Variants in SLC35F2 observed in about 807,000 individuals in gnomAD.
SLC35F2 encodes the protein queuine/queuosine transporter SLC35F2.
SLC35F2 carries 25 observed loss-of-function variants against 38.1 expected under a neutral mutation model. The observed-to-expected ratio is 0.66, with a 90% CI of 0.48 to 0.92. The LOEUF is 0.92. SLC35F2 is among the 40% of genes least tolerant of loss of function. The probability of loss-of-function intolerance (pLI) is 0.00; values close to 1 mark genes in which losing one functional copy is unlikely to be tolerated. For missense variants in SLC35F2, 409 were observed against 452.9 expected (o/e 0.90, Z 0.88); for synonymous variants, 173 against 181.7 (o/e 0.95, Z 0.38).
At chr11:107,843,868 AATATATATATATATATATATATAT>A (rs1178673709) in intron 1 of SLC35F2, among the ~76,000 whole-genome samples, 23 of 46,864 alleles carry the variant, frequency 4.9e-4, no homozygotes, top group African/African-American at 1.7e-3. Context: ...AAAAAAAAAA[AATATATATATATATATATATATAT>A]ATATATATAT....
chr11:107,811,010 T>C (rs976053739), intron 3 of SLC35F2: 5 of 985,060 alleles, frequency 5.1e-6, no homozygotes, highest in Non-Finnish European at 4.8e-6. Context: ...AAACCTGGCA[T>C]TTGAGTCTAT....
chr11:107,794,141 C>T (rs546855015), intron 7 of SLC35F2, among the ~76,000 whole-genome samples: 6 of 147,036 alleles, frequency 4.1e-5, no homozygotes, highest in South Asian at 2.1e-4. Flanking sequence ...AGTGCAATGG[C>T]GCAATCTTGG....
At chr11:107,852,992 A>G (rs1860212986) in intron 1 of SLC35F2, among the ~76,000 whole-genome samples, 1 of 152,156 alleles carries the variant, frequency 6.6e-6, no homozygotes, top group Non-Finnish European at 1.5e-5. Flanking sequence ...ACTGCACTCC[A>G]GCCTAGGGCT....
chr11:107,831,726 CTTTCT>C (rs1447963700), intron 1 of SLC35F2, among the ~76,000 whole-genome samples: 5 of 152,188 alleles, frequency 3.3e-5, no homozygotes, highest in African/African-American at 7.2e-5. Context: ...AAACTACCAC[CTTTCT>C]TTTCAAGTGT....
chr11:107,813,906 C>A (rs976502592), intron 2 of SLC35F2, among the ~76,000 whole-genome samples: 1 of 152,114 alleles, frequency 6.6e-6, no homozygotes, highest in African/African-American at 2.4e-5. Context: ...CTCAGGTGAT[C>A]CTCCCACCTT....
intron 4 of SLC35F2, chr11:107,806,452 CTTAA>C (rs1288961539): frequency 7.4e-6 from 3 of 408,156 alleles, no homozygotes; most frequent in Non-Finnish European, 9.3e-6. Flanking sequence ...ATTCATGGAC[CTTAA>C]TTAGATTTTA....
intron 1 of SLC35F2, among the ~76,000 whole-genome samples, chr11:107,843,393 C>T (rs1860041846): frequency 6.6e-6 from 1 of 151,542 alleles, no homozygotes; most frequent in Non-Finnish European, 1.5e-5. Flanking sequence ...CATGGAGAAA[C>T]CCCATCTCTA....
chr11:107,803,340 G>A, intron 6 of SLC35F2, 185 bp from the exon 7 acceptor site: 2 of 985,002 alleles, frequency 2.0e-6, no homozygotes, highest in Non-Finnish European at 2.4e-6. Flanking sequence ...TAAATAGCAA[G>A]TTGTGATGTA....
At chr11:107,814,778 C>T (rs1054957461) in intron 2 of SLC35F2, among the ~76,000 whole-genome samples, 7 of 152,110 alleles carry the variant, frequency 4.6e-5, no homozygotes, top group South Asian at 2.1e-4. Context: ...GCCTGGGCAA[C>T]GTGGTGAAAC....
intron 1 of SLC35F2, among the ~76,000 whole-genome samples, chr11:107,833,156 A>G (rs548761157): frequency 6.6e-6 from 1 of 152,288 alleles, no homozygotes; most frequent in Non-Finnish European, 1.5e-5. Context: ...AAACTCTTCT[A>G]TACCCTATCT....
At chr11:107,812,198 G>A (rs779790162) in intron 2 of SLC35F2, among the ~76,000 whole-genome samples, 6 of 152,180 alleles carry the variant, frequency 3.9e-5, no homozygotes, top group South Asian at 4.1e-4. Context: ...GAGCTACCAC[G>A]CCTGGCTATT....
chr11:107,833,518 C>CAAAAA (rs34376803), intron 1 of SLC35F2, among the ~76,000 whole-genome samples: 4 of 89,530 alleles, frequency 4.5e-5, no homozygotes, highest in African/African-American at 1.5e-4. Flanking sequence ...GACTCTGTCT[C>CAAAAA]AAAAAAAAAA....
intron 1 of SLC35F2, among the ~76,000 whole-genome samples, chr11:107,843,846 T>A (rs1305989810): frequency 8.8e-5 from 4 of 45,200 alleles, no homozygotes; most frequent in African/African-American, 4.6e-4. Flanking sequence ...CTCTGTATCT[T>A]AAAAAAAAAA....
At chr11:107,834,705 G>T (rs370023129) in intron 1 of SLC35F2, among the ~76,000 whole-genome samples, 1 of 152,054 alleles carries the variant, frequency 6.6e-6, no homozygotes, top group African/African-American at 2.4e-5. Flanking sequence ...TTCCACAGCC[G>T]TAAAAATACA....
intron 4 of SLC35F2, 68 bp downstream of exon 4, chr11:107,806,649 T>C: frequency 7.0e-7 from 1 of 1,435,636 alleles, no homozygotes; most frequent in Non-Finnish European, 9.7e-7. Context: ...AGTTTCTTTG[T>C]TGATATAAAA....
rs1242467355 is a variant in SLC35F2, at chr11:107,805,408, ACTC to A, written c.679_681del (p.Glu227del). On this transcript the variant is annotated inframe_deletion, in exon 5 of 8. Coordinates refer to ENST00000525815, the MANE Select transcript of SLC35F2 (RefSeq NM_017515.5). Reference sequence around the variant, plus strand: ...CCAAACAGGCCCACCATTCCTAAAAACTCCTGTCTGCTCAGCTTCTTCACGATG... The same window carrying A: ...CCAAACAGGCCCACCATTCCTAAAAACTGTCTGCTCAGCTTCTTCACGATG... 6.2e-7 allele frequency: 1 copy of A among 1,613,960 alleles called. No homozygotes were observed. Among genetic ancestry groups the A allele is most frequent in the Non-Finnish European group, 8.5e-7 (1 of 1,180,008 alleles).
At chr11:107,798,120 C>T (rs1464301249) in intron 7 of SLC35F2, among the ~76,000 whole-genome samples, 2 of 152,030 alleles carry the variant, frequency 1.3e-5, no homozygotes, top group Non-Finnish European at 2.9e-5. Context: ...TCTTGTGCCT[C>T]GGCCTCCCAA....
intron 1 of SLC35F2, among the ~76,000 whole-genome samples, chr11:107,821,866 A>G (rs1859677114): frequency 6.6e-6 from 1 of 152,224 alleles, no homozygotes; most frequent in African/African-American, 2.4e-5. Flanking sequence ...GCAGGAGTGG[A>G]CAAACAGGTA....
At chr11:107,819,328 T>C (rs1859634121) in intron 1 of SLC35F2, among the ~76,000 whole-genome samples, 1 of 152,162 alleles carries the variant, frequency 6.6e-6, no homozygotes, top group Non-Finnish European at 1.5e-5. Flanking sequence ...ATCTCCACTC[T>C]CCAAAGGGAA....
Sources: allele counts gnomAD v4.1 joint callset (sites outside exome capture counted in the v4.1 genomes callset), GRCh38; gene constraint gnomAD v4.1.1; transcripts MANE v1.5; gene names NCBI Gene and HGNC (gene_info 2026-07-23, HGNC 2026-07-21).